Variants in AZIN2 observed in about 807,000 individuals in gnomAD.
The protein encoded by AZIN2 is ODC antizyme inhibitor-2.
A neutral mutation model predicts 47.8 loss-of-function variants in AZIN2; 28 were observed. That is an observed-to-expected ratio of 0.59 (90% CI 0.43 to 0.80). The LOEUF (loss-of-function observed/expected upper bound fraction) is 0.80, where lower values mean the gene tolerates loss of function less well. Ranked by LOEUF, AZIN2 falls within the 30% of genes least tolerant of loss-of-function variation. The probability of loss-of-function intolerance (pLI) is 0.00; values close to 1 mark genes in which losing one functional copy is unlikely to be tolerated. For missense variants in AZIN2, 535 were observed against 582.5 expected (o/e 0.92, Z 0.84); for synonymous variants, 221 against 239.4 (o/e 0.92, Z 0.71).
At chr1:33,150,221 T>G in the AZIN2 span, among the ~76,000 whole-genome samples, 1 of 152,216 alleles carries the variant, frequency 6.6e-6, no homozygotes, top group Admixed American at 6.5e-5. Flanking sequence ...CCTTGGGGTC[T>G]TGGACATCCA....
chr1:33,088,388 C>G (rs1355516180), intron 5 of AZIN2, among the ~76,000 whole-genome samples: 1 of 152,204 alleles, frequency 6.6e-6, no homozygotes, highest in Non-Finnish European at 1.5e-5. Flanking sequence ...CTGGAGCTGG[C>G]TCTGTCATCT....
chr1:33,125,413 C>T (rs1040814688), downstream of AZIN2, among the ~76,000 whole-genome samples: 5 of 152,236 alleles, frequency 3.3e-5, no homozygotes, highest in African/African-American at 1.2e-4. Flanking sequence ...TCTCCCACCT[C>T]ATCTCATGCC....
At position 33,098,109 on chromosome 1, in the gene AZIN2, A is replaced by T. The variant is rs1401119922; in HGVS notation, c.959A>T (p.Asp320Val). The T allele has an allele frequency of 6.2e-7, 1 of 1,614,068 alleles. No individual in the cohort carries two copies. ...TCCAAGACCATCGTGTACCACCTTG[A>T]TGAGGGCGTGTATGGGATCTTCAAC... ...STSKTIVYHL[D>V]EGVYGIFNSV... The change falls in exon 10 of 12, where the codon GAT (aspartate) becomes GTT (valine). Residue 320 changes from aspartate to valine, a missense_variant. Physicochemically the swap from Asp to Val is radical, Grantham distance 152 (BLOSUM62 -3). Coordinates refer to ENST00000294517, the MANE Select transcript of AZIN2 (RefSeq NM_052998.4).
At chr1:33,147,350 A>AGCTTG in the AZIN2 span, 1 of 1,614,212 alleles carries the variant, frequency 6.2e-7, no homozygotes, top group East Asian at 2.2e-5. The surrounding 1 kb of genome is among the most constrained non-coding windows in gnomAD (Gnocchi z 8.1). Flanking sequence ...TAGTCCAGGA[A>AGCTTG]GACACCCACC....
chr1:33,158,180 G>C, the AZIN2 span: 1 of 1,409,144 alleles, frequency 7.1e-7, no homozygotes, highest in East Asian at 2.3e-5. Flanking sequence ...CCCATGCTGT[G>C]TTTAGGACAG....
At chr1:33,123,633 G>C (rs1644834264), downstream of AZIN2, among the ~76,000 whole-genome samples, 1 of 152,216 alleles carries the variant, frequency 6.6e-6, no homozygotes, top group South Asian at 2.1e-4. Context: ...GGGAGGCCAA[G>C]GCTGGTGGAT....
At chr1:33,089,852 A>G (rs1477544119) in intron 5 of AZIN2, among the ~76,000 whole-genome samples, 1 of 152,252 alleles carries the variant, frequency 6.6e-6, no homozygotes, top group African/African-American at 2.4e-5. Context: ...CAGGATGGCT[A>G]AAAATGACTC....
chr1:33,084,224 T>C, intron 5 of AZIN2, 97 bp downstream of exon 5: 1 of 1,465,822 alleles, frequency 6.8e-7, no homozygotes, highest in Non-Finnish European at 9.3e-7. Flanking sequence ...AAGAGGTACC[T>C]GTAGTTGGTC....
chr1:33,140,635 A>G, the AZIN2 span, among the ~76,000 whole-genome samples: 5 of 152,318 alleles, frequency 3.3e-5, no homozygotes, highest in East Asian at 9.6e-4. This position sits in a 1 kb window ranked among gnomAD's most constrained non-coding sequence, Gnocchi z 4.0. Flanking sequence ...ATCAGTCCCA[A>G]TGCTTTCACT....
the AZIN2 span, chr1:33,147,307 T>A: frequency 6.2e-7 from 1 of 1,614,118 alleles, no homozygotes; most frequent in Non-Finnish European, 8.5e-7. The surrounding 1 kb of genome is among the most constrained non-coding windows in gnomAD (Gnocchi z 8.1). Context: ...GGACATGTCA[T>A]CAGCATTGTA....
At chr1:33,150,043 A>G in the AZIN2 span, among the ~76,000 whole-genome samples, 3 of 152,214 alleles carry the variant, frequency 2.0e-5, no homozygotes, top group Non-Finnish European at 1.5e-5. Flanking sequence ...TAAAAATTTC[A>G]TGAACCCTTG....
chr1:33,160,803 C>G, the AZIN2 span, among the ~76,000 whole-genome samples: 1 of 152,196 alleles, frequency 6.6e-6, no homozygotes, highest in East Asian at 1.9e-4. Context: ...TAAATTGCAA[C>G]GTATTGAGAA....
intron 9 of AZIN2, 104 bp from the exon 10 acceptor site, chr1:33,097,963 T>G (rs1407259291): frequency 1.3e-6 from 1 of 757,052 alleles, no homozygotes; most frequent in Non-Finnish European, 2.3e-6. Flanking sequence ...GGTTGAGGAA[T>G]GGGTAGCCAT....
At chr1:33,162,103 T>C in the AZIN2 span, among the ~76,000 whole-genome samples, 1 of 152,218 alleles carries the variant, frequency 6.6e-6, no homozygotes, top group African/African-American at 2.4e-5. Context: ...CTCTTGTCTT[T>C]GCCAGCAAAC....
At chr1:33,161,501 C>A in the AZIN2 span, among the ~76,000 whole-genome samples, 2 of 152,166 alleles carry the variant, frequency 1.3e-5, no homozygotes, top group African/African-American at 4.8e-5. The surrounding 1 kb of genome is among the most constrained non-coding windows in gnomAD (Gnocchi z 4.3). Context: ...CTGTTCCCTC[C>A]CCGACGCGCG....
intron 10 of AZIN2, among the ~76,000 whole-genome samples, chr1:33,105,263 A>C (rs1376762501): frequency 6.6e-6 from 1 of 152,142 alleles, no homozygotes; most frequent in Non-Finnish European, 1.5e-5. Context: ...TTTTCACTTT[A>C]AAGTTTTATA....
downstream of AZIN2, among the ~76,000 whole-genome samples, chr1:33,127,966 T>C (rs1247361371): frequency 6.6e-6 from 1 of 152,184 alleles, no homozygotes; most frequent in Non-Finnish European, 1.5e-5. Context: ...CTGCCAGTTA[T>C]TAGCTGTGTA....
At chr1:33,109,509 A>C (rs1008525411) in intron 10 of AZIN2, among the ~76,000 whole-genome samples, 2 of 151,728 alleles carry the variant, frequency 1.3e-5, no homozygotes, top group Non-Finnish European at 2.9e-5. Flanking sequence ...TTGTATTTTT[A>C]GTAGAGACGG....
chr1:33,087,997 C>G (rs567317889), intron 5 of AZIN2, among the ~76,000 whole-genome samples: 1 of 152,118 alleles, frequency 6.6e-6, no homozygotes, highest in African/African-American at 2.4e-5. Context: ...CTGCAGGTCC[C>G]GGGTACCATC....
Sources: allele counts gnomAD v4.1 joint callset (sites outside exome capture counted in the v4.1 genomes callset), GRCh38; gene constraint gnomAD v4.1.1; non-coding constraint Gnocchi (gnomAD v3.1); transcripts MANE v1.5; gene names NCBI Gene and HGNC (gene_info 2026-07-23, HGNC 2026-07-21).